SUMF1: variants seen among roughly 807,000 people sequenced by gnomAD.
SUMF1 encodes formylglycine-generating enzyme.
A neutral mutation model predicts 47.6 loss-of-function variants in SUMF1; 48 were observed. The observed-to-expected ratio is 1.01, with a 90% CI of 0.80 to 1.28. The LOEUF is 1.28. Among genes scored for constraint, SUMF1 ranks in the 50% most tolerant of loss-of-function variants. SUMF1 has a pLI of 0.00. For synonymous variants in SUMF1, 230 were observed against 192.1 expected (o/e 1.20, Z -1.63); for missense variants, 571 against 485.4 (o/e 1.18, Z -1.66).
chr3:4,300,733 T>C (rs1697946156), intron 8 of SUMF1, among the ~76,000 whole-genome samples: 1 of 152,118 alleles, frequency 6.6e-6, no homozygotes, highest in Admixed American at 6.5e-5. Flanking sequence ...GTGAGAAAAG[T>C]ATAAAAGACT....
chr3:4,115,913 C>G (rs1693414364), intron 8 of SUMF1, among the ~76,000 whole-genome samples: 3 of 152,200 alleles, frequency 2.0e-5, no homozygotes, highest in Middle Eastern at 3.4e-3. Context: ...AGAGCTCTAT[C>G]AGTGAAAACA....
intron 8 of SUMF1, among the ~76,000 whole-genome samples, chr3:4,272,454 C>T (rs1697324007): frequency 6.6e-6 from 1 of 152,146 alleles, no homozygotes; most frequent in Non-Finnish European, 1.5e-5. Context: ...CTGTCCATGG[C>T]CCTGGACAAG....
chr3:4,149,181 T>C lies in SUMF1; in HGVS notation c.1015-80436A>G, dbSNP rs189206142. 1.8e-3 allele frequency among the ~76,000 whole-genome samples: 273 copies of C among 152,254 alleles called. 1 individual carries two copies. The highest frequency in any genetic ancestry group is 6.3e-3 in the African/African-American group (263 of 41,536). ...TTCTTGTTGTAGTGTTTAAAGATGC[T>C]GTATTACTTTCTTACTATGGGACTC... On this transcript the variant is annotated intron_variant and NMD_transcript_variant, in intron 8 of 12. Transcript: ENST00000448413.
At chr3:4,382,858 G>A (rs550100943) in intron 7 of SUMF1, among the ~76,000 whole-genome samples, 1 of 152,214 alleles carries the variant, frequency 6.6e-6, no homozygotes, top group African/African-American at 2.4e-5. Flanking sequence ...CTCACAGGAG[G>A]GAGTTGAACA....
intron 8 of SUMF1, among the ~76,000 whole-genome samples, chr3:4,324,712 G>A (rs1027381585): frequency 2.0e-5 from 3 of 152,096 alleles, no homozygotes; most frequent in Non-Finnish European, 2.9e-5. Flanking sequence ...CTGACATGGG[G>A]TTGTGAAATT....
At chr3:4,386,874 T>C (rs1261221584) in intron 7 of SUMF1, among the ~76,000 whole-genome samples, 2 of 151,932 alleles carry the variant, frequency 1.3e-5, no homozygotes, top group Non-Finnish European at 2.9e-5. Flanking sequence ...TTTTTTTTTT[T>C]CTTCTTTTGC....
chr3:4,387,232 GT>G (rs1559264860), intron 7 of SUMF1, among the ~76,000 whole-genome samples: 1 of 151,910 alleles, frequency 6.6e-6, no homozygotes, highest in Non-Finnish European at 1.5e-5. Context: ...CTGGAGATTT[GT>G]TTTTTGAGAA....
intron 1 of SUMF1, 138 bp downstream of exon 1, chr3:4,466,838 T>A (rs146147391): frequency 2.3e-6 from 3 of 1,329,618 alleles, no homozygotes; most frequent in Non-Finnish European, 2.1e-6. Context: ...GAACTCCTCA[T>A]ACGGGAACAG....
At chr3:4,111,966 G>A (rs945997584) in intron 8 of SUMF1, among the ~76,000 whole-genome samples, 1 of 150,630 alleles carries the variant, frequency 6.6e-6, no homozygotes, top group African/African-American at 2.4e-5. Context: ...TAGATATTAG[G>A]ATGGCAATTA....
intron 8 of SUMF1, among the ~76,000 whole-genome samples, chr3:4,139,803 C>A (rs908537126): frequency 6.6e-6 from 1 of 151,846 alleles, no homozygotes; most frequent in Non-Finnish European, 1.5e-5. Context: ...CTTCCAGGAT[C>A]TCCATCTTTT....
Position 4,082,512 on chromosome 3 carries a change from T to C in SUMF1, c.1015-13767A>G, listed in dbSNP as rs562203818. Among the ~76,000 whole-genome samples the C allele has an allele frequency of 2.0e-5, 3 of 152,208 alleles. No individual in the cohort carries two copies. In the South Asian group the frequency reaches 6.2e-4, roughly 32 times the overall value. On this transcript the variant is annotated intron_variant and NMD_transcript_variant, in intron 8 of 12. Transcript: ENST00000448413. ...TAATTAATTTAATTAAAAGTTAAAA[T>C]TTTAAAATCAATAGAATTAAATTAT...
intron 8 of SUMF1, among the ~76,000 whole-genome samples, chr3:4,152,141 G>A (rs1694350599): frequency 6.6e-6 from 1 of 151,540 alleles, no homozygotes; most frequent in African/African-American, 2.4e-5. Context: ...ACTGGGGAAG[G>A]GAGCAGTGCA....
chr3:4,272,886 C>T (rs1332969585), intron 8 of SUMF1, among the ~76,000 whole-genome samples: 1 of 151,790 alleles, frequency 6.6e-6, no homozygotes, highest in Non-Finnish European at 1.5e-5. Flanking sequence ...CCAACCTGGG[C>T]AATATAGCCA....
chr3:4,080,231 TAA>T (rs1487564027), intron 8 of SUMF1, among the ~76,000 whole-genome samples: 6 of 152,182 alleles, frequency 3.9e-5, no homozygotes, highest in African/African-American at 1.4e-4. Context: ...ATCTCAAACT[TAA>T]GTTTTTTATG....
At chr3:4,237,588 T>C (rs745818935) in intron 8 of SUMF1, among the ~76,000 whole-genome samples, 31 of 152,214 alleles carry the variant, frequency 2.0e-4, no homozygotes, top group Non-Finnish European at 4.6e-4. Flanking sequence ...CTTATCATTC[T>C]CTTGACAGTG....
At chr3:4,294,756 T>C (rs1014429626) in intron 8 of SUMF1, among the ~76,000 whole-genome samples, 1 of 152,038 alleles carries the variant, frequency 6.6e-6, no homozygotes, top group Non-Finnish European at 1.5e-5. Context: ...CCGAGAATAC[T>C]GGAGTTCTAA....
At chr3:4,344,723 A>T (rs1434616158) in intron 8 of SUMF1, among the ~76,000 whole-genome samples, 2 of 152,132 alleles carry the variant, frequency 1.3e-5, no homozygotes, top group African/African-American at 2.4e-5. Flanking sequence ...GATGGGTAAT[A>T]AAAAATTACG....
intron 6 of SUMF1, among the ~76,000 whole-genome samples, chr3:4,416,282 A>G (rs1035231842): frequency 3.3e-5 from 5 of 152,082 alleles, no homozygotes; most frequent in Non-Finnish European, 7.4e-5. Flanking sequence ...GTTAATATTT[A>G]TGTACAAGAT....
chr3:4,054,428 A>G (rs1398511127), intron 9 of SUMF1, among the ~76,000 whole-genome samples: 1 of 152,204 alleles, frequency 6.6e-6, no homozygotes, highest in Non-Finnish European at 1.5e-5. Flanking sequence ...AGCTATGACA[A>G]TCCACCACCT....
Sources: allele counts gnomAD v4.1 joint callset (sites outside exome capture counted in the v4.1 genomes callset), GRCh38; gene constraint gnomAD v4.1.1; transcripts MANE v1.5; gene names NCBI Gene and HGNC (gene_info 2026-07-23, HGNC 2026-07-21).